The following SEMA3A variants were observed in gnomAD, a reference collection of about 807,000 sequenced individuals.
SEMA3A encodes semaphorin 3A.
A neutral mutation model predicts 97.9 loss-of-function variants in SEMA3A; 29 were observed. The observed-to-expected ratio is 0.30, with a 90% confidence interval of 0.22 to 0.40. The LOEUF is 0.40. Among genes scored for constraint, SEMA3A ranks in the 10% least tolerant of loss-of-function variants. The pLI, the probability that SEMA3A is intolerant of heterozygous loss-of-function variation, is 1.00. For missense variants in SEMA3A, 763 were observed against 951.3 expected, an observed-to-expected ratio of 0.80 and a Z score of 2.60; for synonymous variants, 321 against 323.7, an observed-to-expected ratio of 0.99 and a Z score of 0.09.
At chr7:83,984,716 A>T (rs1429270349) in intron 13 of SEMA3A, among the ~76,000 whole-genome samples, 1 of 141,086 alleles carries the variant, frequency 7.1e-6, no homozygotes, top group Non-Finnish European at 1.5e-5. Flanking sequence ...ATATTTGTTT[A>T]CACATATTAC....
intron 12 of SEMA3A, among the ~76,000 whole-genome samples, chr7:83,994,771 T>C (rs2116363812): frequency 6.6e-6 from 1 of 151,782 alleles, no homozygotes; most frequent in East Asian, 2.0e-4. Context: ...GTCTTTTTGT[T>C]TGTCTGTGCC....
At chr7:84,097,941 A>T (rs1364063050) in intron 4 of SEMA3A, among the ~76,000 whole-genome samples, 1 of 152,142 alleles carries the variant, frequency 6.6e-6, no homozygotes, top group Non-Finnish European at 1.5e-5. Flanking sequence ...CCAAAGATTC[A>T]TAAGTACAAA....
At chr7:84,101,609 G>T (rs1794961417) in intron 4 of SEMA3A, among the ~76,000 whole-genome samples, 3 of 152,068 alleles carry the variant, frequency 2.0e-5, no homozygotes, top group South Asian at 4.2e-4. Flanking sequence ...ATTCAGTTTT[G>T]GTGACAATGA....
intron 13 of SEMA3A, 60 bp downstream of exon 13, chr7:83,985,376 A>G (rs1789582796): frequency 8.3e-7 from 1 of 1,211,376 alleles, no homozygotes; most frequent in Non-Finnish European, 1.2e-6. Context: ...AGATATATCT[A>G]TTGAAACACC....
At chr7:84,079,292 G>A (rs989079759) in intron 4 of SEMA3A, among the ~76,000 whole-genome samples, 2 of 151,606 alleles carry the variant, frequency 1.3e-5, no homozygotes, top group Non-Finnish European at 2.9e-5. Flanking sequence ...ATAGGCATGG[G>A]CAAGGACTTC....
In SEMA3A at chr7:84,453,489, T is replaced by G. The variant is rs370754054; in HGVS notation, c.-246+38971A>C. ...CTGACCTCGTGATCCGCCCACCTCG[T>G]CCTCCCAAAGTGCTGGGATTACAGG... On this transcript the variant is annotated intron_variant, in intron 1 of 3. Transcript: ENST00000424555. Among the ~76,000 whole-genome samples, 24 of 151,994 alleles carry G rather than the reference T, an allele frequency of 1.6e-4. No individual in the cohort carries two copies. In the East Asian group the frequency reaches 2.1e-3, roughly 14 times the overall value.
chr7:84,014,912 C>G (rs1791036721), intron 6 of SEMA3A, among the ~76,000 whole-genome samples: 1 of 152,048 alleles, frequency 6.6e-6, no homozygotes, highest in South Asian at 2.1e-4. Context: ...TCTCTCACAC[C>G]CAACATTCTA....
chr7:84,292,367 T>C (rs560420278), intron 3 of SEMA3A, among the ~76,000 whole-genome samples: 1 of 152,150 alleles, frequency 6.6e-6, no homozygotes, highest in African/African-American at 2.4e-5. Context: ...CTGCTAAGCA[T>C]TATTATTAAT....
At chr7:84,296,145 C>T (rs886546806) in intron 3 of SEMA3A, among the ~76,000 whole-genome samples, 1 of 152,100 alleles carries the variant, frequency 6.6e-6, no homozygotes, top group East Asian at 1.9e-4. Flanking sequence ...TATATTCCCA[C>T]TTCAGTTACC....
intron 1 of SEMA3A, among the ~76,000 whole-genome samples, chr7:84,432,271 T>G (rs1270212791): frequency 6.6e-6 from 1 of 152,304 alleles, no homozygotes; most frequent in African/African-American, 2.4e-5. Flanking sequence ...TGTAGATAAA[T>G]ATTCCATTTC....
chr7:84,069,188 A>C (rs1793651963), intron 4 of SEMA3A, among the ~76,000 whole-genome samples: 1 of 152,118 alleles, frequency 6.6e-6, no homozygotes, highest in Admixed American at 6.6e-5. Flanking sequence ...TACATGTAAT[A>C]ATGGGCTTTA....
chr7:84,153,984 G>A (rs1410808658), intron 1 of SEMA3A, among the ~76,000 whole-genome samples: 1 of 151,938 alleles, frequency 6.6e-6, no homozygotes, highest in Non-Finnish European at 1.5e-5. Context: ...ATGGAATAAA[G>A]GGTTCCATGA....
At chr7:84,336,618 G>A (rs1444433594) in intron 2 of SEMA3A, among the ~76,000 whole-genome samples, 1 of 152,142 alleles carries the variant, frequency 6.6e-6, no homozygotes, top group East Asian at 1.9e-4. Flanking sequence ...GAGCCTGTGG[G>A]AGAAATGTGC....
chr7:84,136,912 A>G (rs930959529), intron 1 of SEMA3A, among the ~76,000 whole-genome samples: 16 of 151,076 alleles, frequency 1.1e-4, no homozygotes, highest in African/African-American at 3.9e-4. Context: ...CACACACAAA[A>G]AAAAGAAGAA....
At chr7:84,004,667 A>ATCAT (rs984016395) in intron 11 of SEMA3A, among the ~76,000 whole-genome samples, 4 of 152,308 alleles carry the variant, frequency 2.6e-5, no homozygotes, top group Admixed American at 1.3e-4. Context: ...TGCTTACCTA[A>ATCAT]TCATTAGCTT....
intron 3 of SEMA3A, among the ~76,000 whole-genome samples, chr7:84,205,778 A>G (rs775513890): frequency 2.6e-5 from 4 of 152,198 alleles, no homozygotes; most frequent in Non-Finnish European, 5.9e-5. Flanking sequence ...TTGAAAGTTC[A>G]TTCCTATTGT....
intron 15 of SEMA3A, among the ~76,000 whole-genome samples, chr7:83,973,911 T>A (rs1789023023): frequency 6.6e-6 from 1 of 151,770 alleles, no homozygotes; most frequent in Admixed American, 6.6e-5. Flanking sequence ...GTAGTTTTTT[T>A]TTTTTTCCTT....
intron 1 of SEMA3A, among the ~76,000 whole-genome samples, chr7:84,479,171 G>C (rs917962949): frequency 2.0e-5 from 3 of 152,164 alleles, no homozygotes; most frequent in East Asian, 3.9e-4. Context: ...GCATCAAGTA[G>C]GGTCTGCTTT....
intron 4 of SEMA3A, among the ~76,000 whole-genome samples, chr7:84,084,724 T>C (rs2115816060): frequency 6.6e-6 from 1 of 152,220 alleles, no homozygotes; most frequent in Non-Finnish European, 1.5e-5. Flanking sequence ...TTGTTCTATG[T>C]GACATAAAAA....
Sources: allele counts gnomAD v4.1 joint callset (sites outside exome capture counted in the v4.1 genomes callset), GRCh38; gene constraint gnomAD v4.1.1; transcripts MANE v1.5; gene names NCBI Gene and HGNC (gene_info 2026-07-23, HGNC 2026-07-21).